Variants in CNOT1 observed in about 807,000 individuals in gnomAD.
CNOT1 encodes CCR4-associated factor 1.
Under a neutral mutation model 273.8 loss-of-function variants are expected in CNOT1, and 15 were observed. The observed-to-expected ratio is 0.05, with a 90% confidence interval of 0.04 to 0.08. The LOEUF (loss-of-function observed/expected upper bound fraction) is 0.08, where lower values mean the gene tolerates loss of function less well. CNOT1 is among the 10% of genes least tolerant of loss of function. The probability of loss-of-function intolerance (pLI) is 1.00; values close to 1 mark genes in which losing one functional copy is unlikely to be tolerated. For synonymous variants in CNOT1, 1,022 were observed against 1,005.5 expected, an observed-to-expected ratio of 1.02 and a Z score of -0.31; for missense variants, 1,644 against 2,912.2, an observed-to-expected ratio of 0.56 and a Z score of 10.02.
At chr16:58,523,333 C>A in intron 47 of CNOT1, 37 bp downstream of exon 47, 1 of 1,539,428 alleles carries the variant, frequency 6.5e-7, no homozygotes, top group Non-Finnish European at 8.8e-7. Flanking sequence ...GGGAGGAGAT[C>A]CTTTTGAAGC....
intron 31 of CNOT1, 140 bp from the exon 32 acceptor site, chr16:58,542,708 G>T: frequency 7.7e-7 from 1 of 1,306,328 alleles, no homozygotes; most frequent in Non-Finnish European, 1.0e-6. Context: ...TGAACAAGCT[G>T]TGATCTTGAA....
At chr16:58,588,700 G>C in intron 3 of CNOT1, 99 bp downstream of exon 3, 1 of 1,431,646 alleles carries the variant, frequency 7.0e-7, no homozygotes, top group East Asian at 2.5e-5. Flanking sequence ...AATCACTTCC[G>C]GATGCTATTT....
chr16:58,589,641 T>C (rs1361419028), intron 2 of CNOT1, among the ~76,000 whole-genome samples: 3 of 152,188 alleles, frequency 2.0e-5, no homozygotes, highest in African/African-American at 7.2e-5. Context: ...ATGGCATTGA[T>C]CAAATGTGTA....
At chr16:58,627,518 A>T (rs1264434207) in intron 1 of CNOT1, among the ~76,000 whole-genome samples, 1 of 151,738 alleles carries the variant, frequency 6.6e-6, no homozygotes, top group Non-Finnish European at 1.5e-5. Flanking sequence ...GCATGTTTTG[A>T]AAAGATGGCA....
intron 8 of CNOT1, among the ~76,000 whole-genome samples, chr16:58,584,153 GCA>G: frequency 6.9e-6 from 1 of 145,054 alleles, no homozygotes; most frequent in Non-Finnish European, 1.5e-5. Context: ...GGGCAACAGA[GCA>G]ACACTCCGTC....
chr16:58,525,928 C>G, intron 45 of CNOT1, 61 bp downstream of exon 45: 1 of 1,426,540 alleles, frequency 7.0e-7, no homozygotes, highest in Non-Finnish European at 9.8e-7. Flanking sequence ...ACACACAGGA[C>G]CATACATAGA....
At chr16:58,624,684 G>A (rs2043490709) in intron 1 of CNOT1, 1 of 152,158 alleles carries the variant, frequency 6.6e-6, no homozygotes, top group African/African-American at 2.4e-5. Flanking sequence ...TGTAATCCCA[G>A]CTACTCGGGA....
chr16:58,564,503 A>G (rs2040971065), intron 16 of CNOT1, among the ~76,000 whole-genome samples: 1 of 152,234 alleles, frequency 6.6e-6, no homozygotes, highest in East Asian at 1.9e-4. Flanking sequence ...AAACAAAAAA[A>G]GTAATTCCAC....
chr16:58,584,016 G>A (rs28667004), intron 8 of CNOT1, among the ~76,000 whole-genome samples: 113,857 of 151,024 alleles, frequency 0.75, 43,329 homozygotes, highest in Middle Eastern at 0.86. Context: ...AAAATACAAA[G>A]AATTATCTAG....
chr16:58,532,412 T>A lies in CNOT1; in HGVS notation c.5896-17A>T. On this transcript the variant is annotated splice_polypyrimidine_tract_variant and intron_variant, in intron 40 of 48. Coordinates refer to ENST00000317147, the MANE Select transcript of CNOT1 (RefSeq NM_016284.5). The stretch of plus-strand genomic sequence containing the variant: ...ACCAAGGACCTACGTAAAACACAAA[T>A]CAGAGCTTGTAAATCATTCAGATAA... The A allele has an allele frequency of 6.2e-7, 1 of 1,607,298 alleles. No homozygotes were observed. The highest frequency in any genetic ancestry group is 8.5e-7 in the Non-Finnish European group (1 of 1,174,788).
At chr16:58,623,572 G>T (rs2152055766) in intron 1 of CNOT1, among the ~76,000 whole-genome samples, 1 of 152,182 alleles carries the variant, frequency 6.6e-6, no homozygotes, top group East Asian at 1.9e-4. Flanking sequence ...ATAAATGACT[G>T]GGTTCAGAGA....
intron 1 of CNOT1, among the ~76,000 whole-genome samples, chr16:58,627,498 A>G (rs1262017670): frequency 6.6e-6 from 1 of 151,874 alleles, no homozygotes; most frequent in Non-Finnish European, 1.5e-5. Context: ...ATTTGAAATC[A>G]GACTTTAAAG....
rs553977754 is a variant in CNOT1, at chr16:58,579,809, C to T, written c.1343+824G>A. ...TTCACACATTCACAGAGAGGAATGA[C>T]GGGACAGAGTTCCAAGAGAAACCTG... On this transcript the variant is annotated intron_variant, in intron 12 of 48. Transcript: ENST00000317147. 5.3e-5 allele frequency among the ~76,000 whole-genome samples: 8 copies of T among 152,212 alleles called. No homozygotes were observed. In the East Asian group the frequency reaches 1.2e-3, roughly 22 times the overall value.
At chr16:58,589,196 C>T (rs2041970725) in intron 2 of CNOT1, among the ~76,000 whole-genome samples, 1 of 152,096 alleles carries the variant, frequency 6.6e-6, no homozygotes, top group Non-Finnish European at 1.5e-5. Flanking sequence ...ACCACTGCTT[C>T]CAGCTGTAAT....
At chr16:58,621,629 A>G (rs2043319421) in intron 1 of CNOT1, among the ~76,000 whole-genome samples, 1 of 149,230 alleles carries the variant, frequency 6.7e-6, no homozygotes, top group Non-Finnish European at 1.5e-5. Flanking sequence ...CAGAATATAC[A>G]CCACCATGGC....
chr16:58,581,632 A>T (rs2041659122), intron 10 of CNOT1, 117 bp from the exon 11 acceptor site: 1 of 1,411,368 alleles, frequency 7.1e-7, no homozygotes, highest in African/African-American at 1.5e-5. Context: ...CAAAATTTTT[A>T]ATGTGAATTT....
intron 39 of CNOT1, among the ~76,000 whole-genome samples, chr16:58,535,973 A>T (rs911319759): frequency 6.6e-6 from 1 of 152,128 alleles, no homozygotes; most frequent in African/African-American, 2.4e-5. Flanking sequence ...TGACCTCGTG[A>T]TCCGCCTGCC....
At chr16:58,605,348 C>T (rs1253162672) in intron 1 of CNOT1, among the ~76,000 whole-genome samples, 1 of 151,628 alleles carries the variant, frequency 6.6e-6, no homozygotes, top group Non-Finnish European at 1.5e-5. Flanking sequence ...ACTAAAAATA[C>T]AAAAATTGGC....
intron 1 of CNOT1, among the ~76,000 whole-genome samples, chr16:58,615,654 T>G (rs2043047529): frequency 7.9e-6 from 1 of 126,232 alleles, no homozygotes; most frequent in African/African-American, 2.7e-5. Flanking sequence ...TTAGGCCTGT[T>G]TTGCCTAATA....
Sources: allele counts gnomAD v4.1 joint callset (sites outside exome capture counted in the v4.1 genomes callset), GRCh38; gene constraint gnomAD v4.1.1; transcripts MANE v1.5; gene names NCBI Gene and HGNC (gene_info 2026-07-23, HGNC 2026-07-21).